TFPI: variants seen among roughly 807,000 people sequenced by gnomAD.
The protein encoded by TFPI is anti-convertin.
Under a neutral mutation model 34.6 loss-of-function variants are expected in TFPI, and 15 were observed. The observed-to-expected ratio is 0.43, with a 90% CI of 0.29 to 0.67. The LOEUF is 0.67. Among genes scored for constraint, TFPI ranks in the 30% least tolerant of loss-of-function variants. TFPI has a pLI of 0.15. For missense variants in TFPI, 301 were observed against 364.0 expected (o/e 0.83, Z 1.41); for synonymous variants, 105 against 120.1 (o/e 0.87, Z 0.82).
chr2:187,505,096 T>C (rs1686114845), intron 1 of TFPI, among the ~76,000 whole-genome samples: 1 of 149,606 alleles, frequency 6.7e-6, no homozygotes, highest in Admixed American at 6.6e-5. Context: ...ATCTTGAAAC[T>C]AAACTTCTAA....
intron 1 of TFPI, among the ~76,000 whole-genome samples, chr2:187,538,243 C>A (rs1688374060): frequency 6.6e-6 from 1 of 152,016 alleles, no homozygotes; most frequent in Non-Finnish European, 1.5e-5. Context: ...GGGTATACAC[C>A]CAAAGGATTA....
At chr2:187,472,420 A>G (rs1559096148) in intron 6 of TFPI, among the ~76,000 whole-genome samples, 3 of 152,196 alleles carry the variant, frequency 2.0e-5, no homozygotes, top group Admixed American at 1.3e-4. Context: ...CAAAATCTAT[A>G]TTCAATTTAT....
Position 187,547,861 on chromosome 2 carries a change from T to G in TFPI, c.-3+6339A>C, listed in dbSNP as rs554603860. On this transcript the variant is annotated intron_variant, in intron 1 of 7. Transcript: ENST00000233156. ...AAGTCCTACCCAACACATGATCATA[T>G]CATCAGAAATCAGATATTTTCTTGT... Among the ~76,000 whole-genome samples the G allele has an allele frequency of 8.5e-5, 13 of 152,280 alleles. No individual in the cohort carries two copies. In the South Asian group the frequency reaches 2.7e-3, roughly 32 times the overall value.
chr2:187,546,993 T>C (rs1331977042), intron 1 of TFPI: 1 of 152,234 alleles, frequency 6.6e-6, no homozygotes, highest in Non-Finnish European at 1.5e-5. Flanking sequence ...TTTAAAAATT[T>C]TTAAGGATTA....
intron 1 of TFPI, among the ~76,000 whole-genome samples, chr2:187,539,424 G>A (rs1449770211): frequency 6.6e-6 from 1 of 152,070 alleles, no homozygotes; most frequent in Non-Finnish European, 1.5e-5. Context: ...AAAAAAGATC[G>A]AAGTTTACCA....
At chr2:187,543,048 G>A (rs1482508962) in intron 1 of TFPI, among the ~76,000 whole-genome samples, 1 of 152,098 alleles carries the variant, frequency 6.6e-6, no homozygotes, top group Non-Finnish European at 1.5e-5. Context: ...GACTTTGACA[G>A]GTGCTGGTAA....
intron 1 of TFPI, among the ~76,000 whole-genome samples, chr2:187,511,106 C>T (rs555980808): frequency 7.3e-4 from 111 of 152,286 alleles, no homozygotes; most frequent in South Asian, 1.5e-3. Context: ...GCATTTGCCC[C>T]AGTGGAACGC....
In TFPI at chr2:187,489,277, G is replaced by A. The variant is rs369434556; in HGVS notation, c.320-902C>T. On this transcript the variant is annotated intron_variant, in intron 3 of 7. Coordinates refer to ENST00000233156, the MANE Select transcript of TFPI (RefSeq NM_006287.6). ...GCATCATCCTTTTTTTCTTGAAATA[G>A]TTAATTCTTCTATGGAGAGTAAAAT... 5.3e-5 allele frequency among the ~76,000 whole-genome samples: 8 copies of A among 151,466 alleles called. No individual in the cohort carries two copies. In the South Asian group the frequency reaches 8.3e-4, roughly 16 times the overall value.
intron 3 of TFPI, among the ~76,000 whole-genome samples, chr2:187,490,059 A>G (rs1685007730): frequency 6.6e-6 from 1 of 151,774 alleles, no homozygotes; most frequent in South Asian, 2.1e-4. Context: ...ATGAATATTA[A>G]GATGTAAGAC....
chr2:187,546,448 A>G (rs564750179), intron 1 of TFPI, among the ~76,000 whole-genome samples: 1 of 152,202 alleles, frequency 6.6e-6, no homozygotes, highest in East Asian at 1.9e-4. Flanking sequence ...AACAAATAAA[A>G]GTTAGCATTA....
chr2:187,539,457 T>G lies in TFPI; in HGVS notation c.-3+14743A>C, dbSNP rs554447772. 2.6e-5 allele frequency among the ~76,000 whole-genome samples: 4 copies of G among 152,356 alleles called. No individual in the cohort carries two copies. The South Asian group carries it at 8.3e-4, about 32-fold the overall frequency. On this transcript the variant is annotated intron_variant, in intron 1 of 7. Transcript: ENST00000233156. ...CCAACTTTTTAATGGAAAAACACACTAACCATCTATAAGATTCAGTTTTCC... is the reference window on the plus strand; with the variant it reads ...CCAACTTTTTAATGGAAAAACACACGAACCATCTATAAGATTCAGTTTTCC...
chr2:187,488,304 A>C (rs368315911), intron 4 of TFPI, 33 bp downstream of exon 4: 2 of 1,540,062 alleles, frequency 1.3e-6, no homozygotes, highest in Admixed American at 2.2e-5. Context: ...CCTTACATAA[A>C]TGCTTCAAAT....
chr2:187,477,780 T>C (rs1238912110), intron 6 of TFPI, among the ~76,000 whole-genome samples: 1 of 152,210 alleles, frequency 6.6e-6, no homozygotes, highest in Admixed American at 6.5e-5. Flanking sequence ...TGTATTTATG[T>C]ATGCATAGAT....
intron 1 of TFPI, among the ~76,000 whole-genome samples, chr2:187,510,641 T>C (rs1171391393): frequency 6.6e-6 from 1 of 152,144 alleles, no homozygotes; most frequent in Non-Finnish European, 1.5e-5. Flanking sequence ...ACCCCTGACC[T>C]AACCAGTTAT....
At chr2:187,524,539 C>G (rs1687582834) in intron 1 of TFPI, among the ~76,000 whole-genome samples, 1 of 151,978 alleles carries the variant, frequency 6.6e-6, no homozygotes. Context: ...ATGACTGATA[C>G]AAGTAATACT....
chr2:187,525,702 T>C (rs540227766), intron 1 of TFPI, among the ~76,000 whole-genome samples: 1 of 152,128 alleles, frequency 6.6e-6, no homozygotes, highest in South Asian at 2.1e-4. Flanking sequence ...ACTGGTATCC[T>C]TATAAAAACA....
intron 1 of TFPI, chr2:187,514,207 G>T (rs528015819): frequency 1.3e-5 from 2 of 152,190 alleles, no homozygotes; most frequent in African/African-American, 2.4e-5. Context: ...AATTAAGCAG[G>T]TTACCAAGAT....
chr2:187,470,457 T>C (rs576955930), intron 6 of TFPI, among the ~76,000 whole-genome samples: 4 of 152,188 alleles, frequency 2.6e-5, no homozygotes, highest in East Asian at 1.9e-4. Flanking sequence ...CTACAGTCCC[T>C]AGATTGGACG....
intron 1 of TFPI, among the ~76,000 whole-genome samples, chr2:187,506,182 T>TA (rs1273485399): frequency 1.3e-5 from 2 of 152,136 alleles, no homozygotes; most frequent in African/African-American, 4.8e-5. Context: ...CCAGCTTTCT[T>TA]AAAATTAGAA....
Sources: gnomAD v4.1 joint callset for allele counts (sites outside exome capture counted in the v4.1 genomes callset) on GRCh38, gnomAD v4.1.1 for gene constraint, MANE v1.5 for transcripts, NCBI Gene and HGNC (gene_info 2026-07-23, HGNC 2026-07-21) for gene names.